The following CENPH variants were observed in gnomAD, a reference collection of about 807,000 sequenced individuals.
CENPH encodes CENP-H.
In CENPH, 40 loss-of-function variants were observed where a neutral mutation model predicts 42.9. The ratio of observed to expected loss-of-function variants is 0.93; its 90% CI spans 0.72 to 1.21. CENPH has a LOEUF of 1.21. Among genes scored for constraint, CENPH ranks in the 50% most tolerant of loss-of-function variants. CENPH has a pLI of 0.00. For missense variants in CENPH, 302 were observed against 292.9 expected (o/e 1.03, Z -0.23); for synonymous variants, 88 against 96.5 (o/e 0.91, Z 0.52).
At chr5:69,205,927 T>C (rs2450245) in intron 7 of CENPH, among the ~76,000 whole-genome samples, 1 of 151,260 alleles carries the variant, frequency 6.6e-6, no homozygotes, top group Non-Finnish European at 1.5e-5. Flanking sequence ...GCTAGGATGG[T>C]CTCCATCTCC....
intron 7 of CENPH, 147 bp from the exon 8 acceptor site, chr5:69,208,049 C>A: frequency 2.2e-6 from 1 of 448,346 alleles, no homozygotes; most frequent in Non-Finnish European, 4.0e-6. Flanking sequence ...ATTTTCAGAT[C>A]GTAATAAAGT....
At chr5:69,193,183 G>T (rs7714908) in intron 2 of CENPH, among the ~76,000 whole-genome samples, 22,701 of 151,364 alleles carry the variant, frequency 0.15, 1,822 homozygotes, top group African/African-American at 0.2. Context: ...GTGTGTGTAT[G>T]TGTATATATG....
rs201909238 is a variant in CENPH, at chr5:69,208,180, A to C, written c.488-16A>C. 59 of 1,386,938 alleles carry C rather than the reference A, an allele frequency of 4.3e-5. No homozygotes were observed. In the African/African-American group the frequency reaches 7.5e-4, roughly 18 times the overall value. The allele number at this position is 1,386,938 out of a possible 1,614,324, so 85.9% of individuals were successfully genotyped here. A position where few individuals can be genotyped will look rare whatever the true frequency, so the allele number is the denominator to read the frequency against. On this transcript the variant is annotated splice_polypyrimidine_tract_variant and intron_variant, in intron 7 of 8. Transcript: ENST00000283006. ...GGTATTATATATGGTATATTATTTTATTTTTAACCTAACAGAATTAAAACA... is the reference window on the plus strand; with the variant it reads ...GGTATTATATATGGTATATTATTTTCTTTTTAACCTAACAGAATTAAAACA...
chr5:69,208,479 C>G, intron 8 of CENPH, 120 bp downstream of exon 8: 1 of 581,052 alleles, frequency 1.7e-6, no homozygotes, highest in Non-Finnish European at 3.0e-6. Context: ...CTGTCTCAGC[C>G]TCCTGAGTAG....
At chr5:69,202,780 T>C in intron 6 of CENPH, 139 bp from the exon 7 acceptor site, 1 of 644,990 alleles carries the variant, frequency 1.6e-6, no homozygotes, top group Non-Finnish European at 2.7e-6. Flanking sequence ...ACTGTCTTCC[T>C]TTTGCTGTCT....
At chr5:69,209,127 C>G (rs931392035) in intron 8 of CENPH, among the ~76,000 whole-genome samples, 5 of 152,058 alleles carry the variant, frequency 3.3e-5, no homozygotes, top group African/African-American at 9.7e-5. Flanking sequence ...TAAAACCTAT[C>G]CATGGAAACT....
At chr5:69,191,982 C>T (rs1392013025) in intron 2 of CENPH, 132 bp downstream of exon 2, 5 of 528,906 alleles carry the variant, frequency 9.5e-6, no homozygotes, top group Non-Finnish European at 1.7e-5. Flanking sequence ...GCCTCCTGGG[C>T]TCCAGCAATC....
chr5:69,197,047 T>C lies in CENPH; in HGVS notation c.315-6T>C. 1 of 1,555,868 alleles carries C rather than the reference T, an allele frequency of 6.4e-7. No homozygotes were observed. The highest frequency in any genetic ancestry group is 2.3e-5 in the East Asian group (1 of 43,350). On this transcript the variant is annotated splice_region_variant and splice_polypyrimidine_tract_variant and intron_variant, in intron 4 of 8. Transcript: ENST00000283006. ...TTTTATAATGCAAGCTTTTTCCCTC[T>C]CATAGGATGAGACTTTCAACTGCAC...
chr5:69,194,871 T>C (rs1177770078), intron 3 of CENPH, among the ~76,000 whole-genome samples, 176 bp downstream of exon 3: 1 of 151,684 alleles, frequency 6.6e-6, no homozygotes, highest in African/African-American at 2.4e-5. Flanking sequence ...CTCAGCCTCC[T>C]GAGTAGCTGG....
intron 7 of CENPH, 73 bp from the exon 8 acceptor site, chr5:69,208,123 C>A: frequency 1.3e-6 from 1 of 770,406 alleles, no homozygotes; most frequent in Non-Finnish European, 1.9e-6. Context: ...AAGTGATCTG[C>A]TTCATAATTT....
At position 69,189,884 on chromosome 5, in the gene CENPH, A is replaced by G. The variant is rs985848927; in HGVS notation, c.134+116A>G. Reference sequence around the variant, plus strand: ...CGCTCGGTCACGTCAGGTCTCCGTGATTGCCTCATTCACTTAAACTGTTGA... The same window carrying G: ...CGCTCGGTCACGTCAGGTCTCCGTGGTTGCCTCATTCACTTAAACTGTTGA... On this transcript the variant is annotated intron_variant, in intron 1 of 8. Transcript: ENST00000283006. 6.0e-6 allele frequency: 7 copies of G among 1,162,260 alleles called. No homozygotes were observed. The Admixed American group carries it at 2.2e-4, about 37-fold the overall frequency. The allele number at this position is 1,162,260 out of a possible 1,614,324, so 72.0% of individuals were successfully genotyped here.
chr5:69,195,684 G>A, intron 3 of CENPH, 33 bp from the exon 4 acceptor site: 1 of 1,230,948 alleles, frequency 8.1e-7, no homozygotes, highest in Non-Finnish European at 1.2e-6. Flanking sequence ...TTCTGATATT[G>A]CTGAAATTCT....
intron 5 of CENPH, among the ~76,000 whole-genome samples, chr5:69,197,841 C>CAA (rs768055573): frequency 1.9e-5 from 2 of 102,582 alleles, no homozygotes; most frequent in African/African-American, 3.7e-5. Flanking sequence ...TTATTATGAG[C>CAA]AAAAAAAAAA....
chr5:69,197,036 C>T lies in CENPH; in HGVS notation c.315-17C>T. The T allele has an allele frequency of 7.9e-6, 12 of 1,523,550 alleles. No individual in the cohort carries two copies. Among genetic ancestry groups the T allele is most frequent in the Non-Finnish European group, 1.1e-5 (12 of 1,137,506 alleles). 94.4% of individuals were successfully genotyped at this position (1,523,550 alleles called of 1,614,324 possible). A position where few individuals can be genotyped will look rare whatever the true frequency, so the allele number is the denominator to read the frequency against. ...TGTTATCCATGTTTTATAATGCAAG[C>T]TTTTTCCCTCTCATAGGATGAGACT... On this transcript the variant is annotated splice_polypyrimidine_tract_variant and intron_variant, in intron 4 of 8. Coordinates refer to ENST00000283006, the MANE Select transcript of CENPH (RefSeq NM_022909.4).
intron 6 of CENPH, 110 bp downstream of exon 6, chr5:69,202,679 A>T: frequency 2.7e-6 from 2 of 739,470 alleles, no homozygotes; most frequent in Non-Finnish European, 4.6e-6. Flanking sequence ...GAATGCTATG[A>T]TTGGAATTCG....
intron 7 of CENPH, among the ~76,000 whole-genome samples, chr5:69,204,291 C>T (rs183689694): frequency 1.4e-3 from 211 of 151,258 alleles, no homozygotes; most frequent in African/African-American, 4.9e-3. Flanking sequence ...GTCTTCAAAG[C>T]TTTTTTCAGA....
At position 69,202,450 on chromosome 5, in the gene CENPH, A is replaced by G. The variant is rs1325625867; in HGVS notation, c.372-56A>G. On this transcript the variant is annotated intron_variant, in intron 5 of 8. Transcript: ENST00000283006. ...GATTCCTTCATTAATGACAGCTATT[A>G]TTTTTAATTAAGTTACAAATAACCT... The G allele has an allele frequency of 1.7e-5, 17 of 1,003,902 alleles. No individual in the cohort carries two copies. In the South Asian group the frequency reaches 1.9e-4, roughly 11 times the overall value. The allele number at this position is 1,003,902 out of a possible 1,614,324, so 62.2% of individuals were successfully genotyped here. A position where few individuals can be genotyped will look rare whatever the true frequency, so the allele number is the denominator to read the frequency against.
At chr5:69,209,147 T>C (rs2112098675) in intron 8 of CENPH, among the ~76,000 whole-genome samples, 1 of 152,262 alleles carries the variant, frequency 6.6e-6, no homozygotes, top group African/African-American at 2.4e-5. Context: ...TGACGAGGCA[T>C]AAAAAATTAT....
chr5:69,198,831 G>A (rs1356206499), intron 5 of CENPH, among the ~76,000 whole-genome samples: 1 of 152,066 alleles, frequency 6.6e-6, no homozygotes, highest in Non-Finnish European at 1.5e-5. Flanking sequence ...CTACTCCAGA[G>A]GCTGAGGGGA....
Sources: gnomAD v4.1 joint callset for allele counts (sites outside exome capture counted in the v4.1 genomes callset) on GRCh38, gnomAD v4.1.1 for gene constraint, MANE v1.5 for transcripts, NCBI Gene and HGNC (gene_info 2026-07-23, HGNC 2026-07-21) for gene names.